Variants in VSX2 observed in about 807,000 individuals in gnomAD.
VSX2 encodes ceh-10 homeo domain containing homolog.
VSX2 carries 28 observed loss-of-function variants against 32.1 expected under a neutral mutation model. The ratio of observed to expected loss-of-function variants is 0.87; its 90% CI spans 0.65 to 1.20. VSX2 has a LOEUF of 1.20. Ranked by LOEUF, VSX2 falls within the 50% of genes most tolerant of loss-of-function variation. The pLI is 0.00. For missense variants in VSX2, 506 were observed against 488.7 expected (o/e 1.04, Z -0.33); for synonymous variants, 243 against 214.1 (o/e 1.14, Z -1.18).
At chr14:74,254,068 G>T (rs1463327457) in intron 3 of VSX2, among the ~76,000 whole-genome samples, 1 of 152,214 alleles carries the variant, frequency 6.6e-6, no homozygotes, top group Non-Finnish European at 1.5e-5. Flanking sequence ...TGGGCACTGT[G>T]TAGGTGTTCC....
intron 3 of VSX2, among the ~76,000 whole-genome samples, chr14:74,251,802 G>A (rs1478007558): frequency 2.1e-5 from 3 of 143,350 alleles, no homozygotes; most frequent in African/African-American, 5.0e-5. Flanking sequence ...AACCGCGGGC[G>A]AAGTGCTGAG....
chr14:74,242,243 C>G (rs1486375772), intron 2 of VSX2, among the ~76,000 whole-genome samples: 1 of 152,150 alleles, frequency 6.6e-6, no homozygotes, highest in Non-Finnish European at 1.5e-5. Context: ...CACTCCGTCC[C>G]CATCAGGTGG....
intron 3 of VSX2, among the ~76,000 whole-genome samples, chr14:74,251,788 A>C (rs1201163574): frequency 6.6e-6 from 1 of 151,062 alleles, no homozygotes; most frequent in Non-Finnish European, 1.5e-5. Context: ...AGCGCGCTGC[A>C]ATAAACCGCG....
At position 74,261,075 on chromosome 14, in the gene VSX2, G is replaced by A. The variant is rs141741225; in HGVS notation, c.*156G>A. 1.4e-3 allele frequency: 1,183 copies of A among 829,732 alleles called. 2 individuals are homozygous for A. The highest frequency in any genetic ancestry group is 1.9e-3 in the Non-Finnish European group (1,013 of 530,218). 51.4% of individuals were successfully genotyped at this position (829,732 alleles called of 1,614,324 possible). A position where few individuals can be genotyped will look rare whatever the true frequency, so the allele number is the denominator to read the frequency against. ...ATCACCCCTGGTGGCTGCAGGCACC[G>A]CTGGGTTCTGACTCTGGACCATGCT... On this transcript the variant is annotated 3_prime_UTR_variant, in exon 5 of 5. Coordinates refer to ENST00000261980, the MANE Select transcript of VSX2 (RefSeq NM_182894.3).
chr14:74,241,005 G>A (rs192476794), intron 1 of VSX2, among the ~76,000 whole-genome samples, 177 bp from the exon 2 acceptor site: 2,548 of 152,264 alleles, frequency 0.017, 79 homozygotes, highest in Admixed American at 0.084. Flanking sequence ...CCCGGCGCGG[G>A]AGAGGTCAGC....
At chr14:74,240,722 C>A (rs1287510740) in intron 1 of VSX2, among the ~76,000 whole-genome samples, 1 of 152,214 alleles carries the variant, frequency 6.6e-6, no homozygotes. Context: ...CGCATTGTGC[C>A]GCCTTGCGAA....
At chr14:74,242,877 C>T (rs1478575853) in intron 2 of VSX2, among the ~76,000 whole-genome samples, 4 of 152,142 alleles carry the variant, frequency 2.6e-5, no homozygotes, top group Non-Finnish European at 4.4e-5. Flanking sequence ...GGCATTTCCG[C>T]ATCAGGACAT....
At chr14:74,246,387 G>A (rs1371989036) in intron 3 of VSX2, among the ~76,000 whole-genome samples, 1 of 152,194 alleles carries the variant, frequency 6.6e-6, no homozygotes, top group Admixed American at 6.5e-5. Flanking sequence ...TCTCTCACTG[G>A]AGGACCAGAG....
intron 3 of VSX2, among the ~76,000 whole-genome samples, chr14:74,248,774 G>A (rs1201450665): frequency 3.3e-5 from 5 of 151,942 alleles, no homozygotes; most frequent in Non-Finnish European, 5.9e-5. Context: ...TCAGGAACCC[G>A]GATTTTAGCT....
rs2079299305 is a variant in VSX2 at position 74,260,660 on chromosome 14, C to A, written c.827C>A (p.Ala276Asp). 6.2e-7 allele frequency: 1 copy of A among 1,602,756 alleles called. No homozygotes were observed. Among genetic ancestry groups the A allele is most frequent in the South Asian group, 1.1e-5 (1 of 88,746 alleles). ...SGRKPEGERQ[A>D]LPKLDKMEQD... ...AGGAAGCCCGAGGGGGAACGCCAGG[C>A]CCTGCCCAAGCTCGACAAGATGGAG... Residue 276 changes from alanine (A) to aspartate (D), a missense_variant, in exon 5 of 5, where the codon GCC becomes GAC. Ala to Asp is a moderately radical substitution (Grantham distance 126). Coordinates refer to ENST00000261980, the MANE Select transcript of VSX2 (RefSeq NM_182894.3).
chr14:74,243,074 C>G (rs1452373984), intron 2 of VSX2, among the ~76,000 whole-genome samples: 4 of 152,114 alleles, frequency 2.6e-5, no homozygotes, highest in African/African-American at 7.2e-5. Flanking sequence ...AGGAGAATGG[C>G]TACGGATTTC....
At chr14:74,245,059 G>C in intron 2 of VSX2, 106 bp from the exon 3 acceptor site, 2 of 1,499,422 alleles carry the variant, frequency 1.3e-6, no homozygotes, top group Non-Finnish European at 1.8e-6. Context: ...GAGCCAGCCT[G>C]GGTTCGGGGC....
chr14:74,250,265 G>C (rs1030531256), intron 3 of VSX2, among the ~76,000 whole-genome samples: 1 of 151,686 alleles, frequency 6.6e-6, no homozygotes, highest in Non-Finnish European at 1.5e-5. Context: ...TTTTTTAAAT[G>C]CTAGGATATG....
At chr14:74,246,002 G>C (rs930565655) in intron 3 of VSX2, among the ~76,000 whole-genome samples, 1 of 152,234 alleles carries the variant, frequency 6.6e-6, no homozygotes, top group Admixed American at 6.5e-5. Context: ...TCCACTTAGC[G>C]GCAGCAGGAC....
intron 3 of VSX2, among the ~76,000 whole-genome samples, chr14:74,256,894 A>G (rs904559304): frequency 1.1e-4 from 16 of 151,866 alleles, no homozygotes; most frequent in African/African-American, 3.9e-4. Context: ...GGCTGGTCTC[A>G]AACTCCTGAC....
In VSX2 at chr14:74,260,726, A is replaced by T; in HGVS notation, c.893A>T (p.Gln298Leu). The part of the protein sequence containing the change: ...RGPDAQAAIS[Q>L]EELRENSIAV... Reference sequence around the variant, plus strand: ...CCCGACGCTCAGGCGGCCATCTCCCAGGAGGAACTGAGGGAGAACAGCATT... The same window carrying T: ...CCCGACGCTCAGGCGGCCATCTCCCTGGAGGAACTGAGGGAGAACAGCATT... Residue 298 changes from glutamine (Q) to leucine (L), a missense_variant, in exon 5 of 5, where the codon CAG becomes CTG. Transcript: ENST00000261980. 1 of 1,593,302 alleles carries T rather than the reference A, an allele frequency of 6.3e-7. No individual in the cohort carries two copies. Among genetic ancestry groups the T allele is most frequent in the South Asian group, 1.1e-5 (1 of 87,684 alleles).
chr14:74,260,512 C>T (rs1193705977), intron 4 of VSX2, 82 bp from the exon 5 acceptor site: 16 of 1,367,528 alleles, frequency 1.2e-5, no homozygotes, highest in Non-Finnish European at 1.5e-5. Context: ...TAATTCTGGC[C>T]TCTCTCTATC....
At chr14:74,244,033 A>C (rs1196678410) in intron 2 of VSX2, among the ~76,000 whole-genome samples, 1 of 152,174 alleles carries the variant, frequency 6.6e-6, no homozygotes. Context: ...AAGACCACCC[A>C]AAACCTGGTG....
At chr14:74,244,907 T>TGTGTGAAAGAGAGAGAGAAA (rs1555387774) in intron 2 of VSX2, among the ~76,000 whole-genome samples, 1 of 106,348 alleles carries the variant, frequency 9.4e-6, no homozygotes, top group Admixed American at 9.8e-5. Flanking sequence ...TGTGTGTGTG[T>TGTGTGAAAGAGAGAGAGAAA]GTGTGTGTGT....
Sources: gnomAD v4.1 joint callset for allele counts (sites outside exome capture counted in the v4.1 genomes callset) on GRCh38, gnomAD v4.1.1 for gene constraint, MANE v1.5 for transcripts, NCBI Gene and HGNC (gene_info 2026-07-23, HGNC 2026-07-21) for gene names.